RORA: variants seen among roughly 807,000 people sequenced by gnomAD.
RORA encodes the protein RAR related orphan receptor A, also known as nuclear receptor ROR-alpha.
Under a neutral mutation model 69.5 loss-of-function variants are expected in RORA, and 7 were observed. That is an observed-to-expected ratio of 0.10 (90% CI 0.06 to 0.19). The LOEUF (loss-of-function observed/expected upper bound fraction) is 0.19, where lower values mean the gene tolerates loss of function less well. RORA is among the 10% of genes least tolerant of loss of function. RORA has a pLI of 1.00. For synonymous variants in RORA, 261 were observed against 240.8 expected (o/e 1.08, Z -0.78); for missense variants, 457 against 663.0 (o/e 0.69, Z 3.41).
intron 1 of RORA, among the ~76,000 whole-genome samples, chr15:61,163,570 GA>G (rs1203514725): frequency 9.2e-5 from 14 of 152,314 alleles, no homozygotes; most frequent in Admixed American, 2.0e-4. Flanking sequence ...TCCTACTAAA[GA>G]AGGGGAGCCG....
chr15:61,081,707 G>A (rs1026000563), intron 1 of RORA, among the ~76,000 whole-genome samples: 1 of 151,598 alleles, frequency 6.6e-6, no homozygotes, highest in African/African-American at 2.4e-5. Context: ...ACTGGGGAGA[G>A]TGAGGCAGAA....
intron 1 of RORA, among the ~76,000 whole-genome samples, chr15:60,694,172 T>C (rs1263576264): frequency 2.6e-5 from 4 of 152,192 alleles, no homozygotes; most frequent in African/African-American, 9.7e-5. Context: ...GTGAGGAAAT[T>C]GAGTGTCAGA....
chr15:61,140,362 A>G (rs1335194692), intron 1 of RORA, among the ~76,000 whole-genome samples: 1 of 152,220 alleles, frequency 6.6e-6, no homozygotes, highest in African/African-American at 2.4e-5. Context: ...CAGCACCTGT[A>G]GGTGTGCTTG....
chr15:61,071,588 G>A (rs2078361476), intron 1 of RORA, among the ~76,000 whole-genome samples: 1 of 22,828 alleles, frequency 4.4e-5, no homozygotes, highest in Non-Finnish European at 8.1e-5. Flanking sequence ...AGAGGGGAGG[G>A]GTGGGGAGGG....
chr15:61,097,560 T>C (rs2140737065), intron 1 of RORA, among the ~76,000 whole-genome samples: 1 of 152,224 alleles, frequency 6.6e-6, no homozygotes, highest in South Asian at 2.1e-4. Flanking sequence ...CTTACAATTT[T>C]ATCCTCAGTA....
chr15:60,760,080 G>A (rs1231980794), intron 1 of RORA, among the ~76,000 whole-genome samples: 1 of 151,716 alleles, frequency 6.6e-6, no homozygotes, highest in Non-Finnish European at 1.5e-5. Context: ...AGTTCAATTT[G>A]TATGTGTGTT....
At chr15:60,908,466 T>C (rs1478794575) in intron 1 of RORA, among the ~76,000 whole-genome samples, 1 of 152,110 alleles carries the variant, frequency 6.6e-6, no homozygotes, top group Non-Finnish European at 1.5e-5. Context: ...GACAGGATAA[T>C]ACCAAATTTT....
chr15:60,858,842 C>T (rs1356282999), intron 1 of RORA, among the ~76,000 whole-genome samples: 2 of 152,076 alleles, frequency 1.3e-5, no homozygotes, highest in African/African-American at 2.4e-5. Flanking sequence ...CTTACAATAC[C>T]CTCAGCTTGG....
chr15:61,047,809 T>C (rs192608587), intron 1 of RORA, among the ~76,000 whole-genome samples: 2 of 152,302 alleles, frequency 1.3e-5, no homozygotes, highest in Admixed American at 1.3e-4. Flanking sequence ...TGAAGTGTGG[T>C]CCTCCGGCCA....
intron 1 of RORA, among the ~76,000 whole-genome samples, chr15:60,743,651 C>T (rs568005903): frequency 6.6e-6 from 1 of 152,300 alleles, no homozygotes; most frequent in Admixed American, 6.5e-5. Context: ...ATCCACAAGG[C>T]ATGGTGAGTG....
chr15:60,560,850 C>T (rs2067517722), intron 2 of RORA, among the ~76,000 whole-genome samples: 1 of 152,012 alleles, frequency 6.6e-6, no homozygotes, highest in Non-Finnish European at 1.5e-5. Flanking sequence ...TTAAAAGTTA[C>T]ACCAGCTTAT....
intron 2 of RORA, among the ~76,000 whole-genome samples, chr15:60,617,590 T>A (rs974999064): frequency 6.6e-6 from 1 of 150,438 alleles, no homozygotes; most frequent in African/African-American, 2.4e-5. Context: ...ATGAGCTATA[T>A]TAATCAGGAA....
chr15:60,989,152 C>T (rs896631215), intron 1 of RORA, among the ~76,000 whole-genome samples: 5 of 152,116 alleles, frequency 3.3e-5, no homozygotes, highest in African/African-American at 9.7e-5. Context: ...CAACCACTAC[C>T]TCTTTCTAGT....
At position 61,130,816 on chromosome 15, in the gene RORA, C is replaced by A. The variant is rs2079184434; in HGVS notation, c.166+98237G>T. ...GTTCTTTCAACTTTTCTGCACATTT[C>A]AAAATGTTCATAATAAAATGGGAAT... On this transcript the variant is annotated intron_variant, in intron 1 of 10. Coordinates refer to ENST00000335670, the MANE Select transcript of RORA (RefSeq NM_134261.3). 2.0e-5 allele frequency among the ~76,000 whole-genome samples: 3 copies of A among 152,092 alleles called. No homozygotes were observed. In the South Asian group the frequency reaches 6.2e-4, roughly 32 times the overall value.
At chr15:60,833,559 A>G (rs1228916152) in intron 1 of RORA, among the ~76,000 whole-genome samples, 1 of 151,900 alleles carries the variant, frequency 6.6e-6, no homozygotes, top group Non-Finnish European at 1.5e-5. Context: ...TCCCTTTCTC[A>G]TTTGCTACTC....
intron 1 of RORA, among the ~76,000 whole-genome samples, chr15:60,872,112 A>G (rs1304853232): frequency 2.0e-5 from 3 of 148,856 alleles, no homozygotes; most frequent in East Asian, 2.0e-4. Flanking sequence ...CAAGTGTGCC[A>G]TAGCAAAATA....
At chr15:60,979,306 G>T (rs1449945049) in intron 1 of RORA, among the ~76,000 whole-genome samples, 2 of 108,286 alleles carry the variant, frequency 1.8e-5, no homozygotes, top group African/African-American at 7.2e-5. Flanking sequence ...GAATATTTTG[G>T]CTATCCAATG....
intron 1 of RORA, among the ~76,000 whole-genome samples, chr15:60,909,170 C>A (rs530135644): frequency 1.3e-5 from 2 of 152,320 alleles, no homozygotes; most frequent in South Asian, 4.1e-4. Context: ...AACAGAGTTA[C>A]CTCTCTCCAC....
chr15:60,834,507 G>C (rs1236358355), intron 1 of RORA, among the ~76,000 whole-genome samples: 2 of 152,194 alleles, frequency 1.3e-5, no homozygotes, highest in African/African-American at 4.8e-5. Context: ...TGCAAAGAGA[G>C]TTGCTATTTT....
Sources: gnomAD v4.1 joint callset for allele counts (sites outside exome capture counted in the v4.1 genomes callset) on GRCh38, gnomAD v4.1.1 for gene constraint, MANE v1.5 for transcripts, NCBI Gene and HGNC (gene_info 2026-07-23, HGNC 2026-07-21) for gene names.